CAMTA1: variants seen among roughly 807,000 people sequenced by gnomAD.
The protein encoded by CAMTA1 is calmodulin-binding transcription activator 1.
In CAMTA1, 27 loss-of-function variants were observed where a neutral mutation model predicts 170.9. That is an observed-to-expected ratio of 0.16 (90% CI 0.12 to 0.22). The LOEUF (loss-of-function observed/expected upper bound fraction) is 0.22, where lower values mean the gene tolerates loss of function less well. Ranked by LOEUF, CAMTA1 falls within the 10% of genes least tolerant of loss-of-function variation. The probability of loss-of-function intolerance (pLI) is 1.00; values close to 1 mark genes in which losing one functional copy is unlikely to be tolerated. For synonymous variants in CAMTA1, 833 were observed against 891.5 expected (o/e 0.93, Z 1.17); for missense variants, 1,619 against 2,217.2 (o/e 0.73, Z 5.42).
intron 3 of CAMTA1, among the ~76,000 whole-genome samples, chr1:6,980,706 G>C (rs985783279): frequency 2.0e-5 from 3 of 152,054 alleles, no homozygotes; most frequent in Non-Finnish European, 4.4e-5. Flanking sequence ...GAAAAGGGGA[G>C]TTCCCCTGCA....
chr1:7,735,079 C>G (rs926489654), intron 12 of CAMTA1, among the ~76,000 whole-genome samples: 6 of 152,180 alleles, frequency 3.9e-5, no homozygotes, highest in Admixed American at 6.5e-5. Flanking sequence ...ACTTAAATTT[C>G]AGGATCTCTA....
At chr1:7,590,053 C>T (rs2095343539) in intron 6 of CAMTA1, among the ~76,000 whole-genome samples, 1 of 152,334 alleles carries the variant, frequency 6.6e-6, no homozygotes, top group Non-Finnish European at 1.5e-5. Context: ...AACTTGAGGG[C>T]CAGGCCCTGA....
At chr1:7,247,468 G>C (rs142303181) in intron 4 of CAMTA1, among the ~76,000 whole-genome samples, 1 of 152,306 alleles carries the variant, frequency 6.6e-6, no homozygotes, top group African/African-American at 2.4e-5. Flanking sequence ...TCATGTCTTA[G>C]CTCACAAGAG....
intron 5 of CAMTA1, among the ~76,000 whole-genome samples, chr1:7,341,786 C>T (rs539000332): frequency 5.3e-5 from 8 of 152,322 alleles, no homozygotes; most frequent in South Asian, 4.1e-4. Context: ...AACTCAAAAT[C>T]GTGACTGTCT....
chr1:6,848,540 C>T lies in CAMTA1; in HGVS notation c.234+23330C>T, dbSNP rs908327405. 2.0e-5 allele frequency among the ~76,000 whole-genome samples: 3 copies of T among 152,274 alleles called. No homozygotes were observed. In the South Asian group the frequency reaches 6.2e-4, roughly 32 times the overall value. ...CCATGTAGAGAATGGTTTGGAAGAA[C>T]GCTGGGAGTCTGGTGAGGAATCCAT... On this transcript the variant is annotated intron_variant, in intron 3 of 22. Coordinates refer to ENST00000303635, the MANE Select transcript of CAMTA1 (RefSeq NM_015215.4).
chr1:7,618,320 T>A (rs770208518), intron 6 of CAMTA1, among the ~76,000 whole-genome samples: 15 of 152,210 alleles, frequency 9.9e-5, no homozygotes, highest in Non-Finnish European at 1.9e-4. Flanking sequence ...TTCCACCCTG[T>A]GCCAAGCCTC....
At chr1:7,474,731 G>A (rs935819774) in intron 6 of CAMTA1, among the ~76,000 whole-genome samples, 7 of 152,242 alleles carry the variant, frequency 4.6e-5, no homozygotes, top group African/African-American at 1.7e-4. Flanking sequence ...GGACAGAGAA[G>A]GGAGCAGAGG....
chr1:7,105,431 G>C (rs1643476446), intron 4 of CAMTA1, among the ~76,000 whole-genome samples: 1 of 152,220 alleles, frequency 6.6e-6, no homozygotes, highest in Admixed American at 6.5e-5. Flanking sequence ...CCCCAGATCT[G>C]CTGGGAACTT....
At chr1:6,895,471 AT>A (rs1675429700) in intron 3 of CAMTA1, among the ~76,000 whole-genome samples, 1 of 152,210 alleles carries the variant, frequency 6.6e-6, no homozygotes, top group African/African-American at 2.4e-5. Flanking sequence ...CTTGGAATAG[AT>A]TCCCCATGCA....
intron 6 of CAMTA1, among the ~76,000 whole-genome samples, chr1:7,472,671 T>C (rs1362894690): frequency 6.6e-6 from 1 of 152,170 alleles, no homozygotes; most frequent in South Asian, 2.1e-4. Flanking sequence ...GCCTGGATGC[T>C]GTCTGCTTGC....
chr1:7,350,064 A>T (rs989365994), intron 5 of CAMTA1, among the ~76,000 whole-genome samples: 1 of 152,104 alleles, frequency 6.6e-6, no homozygotes, highest in Non-Finnish European at 1.5e-5. Context: ...TATCTCACCT[A>T]TGGATCCTCA....
intron 5 of CAMTA1, among the ~76,000 whole-genome samples, chr1:7,364,111 C>A (rs371144269): frequency 6.6e-6 from 1 of 152,182 alleles, no homozygotes; most frequent in South Asian, 2.1e-4. Context: ...TTAGCCAGTG[C>A]CCTGCCTCAC....
chr1:7,344,108 G>A (rs557316264), intron 5 of CAMTA1, among the ~76,000 whole-genome samples: 4 of 152,158 alleles, frequency 2.6e-5, no homozygotes, highest in Non-Finnish European at 5.9e-5. Flanking sequence ...TGTTGCTGTC[G>A]GGCTCAGAGG....
chr1:7,526,842 C>T (rs1277521937), intron 6 of CAMTA1, among the ~76,000 whole-genome samples: 2 of 152,206 alleles, frequency 1.3e-5, no homozygotes, highest in East Asian at 3.9e-4. Flanking sequence ...GTGACCACCC[C>T]TCCAGCCAGG....
At chr1:7,765,841 A>G (rs747092790) in intron 22 of CAMTA1, among the ~76,000 whole-genome samples, 26 of 152,276 alleles carry the variant, frequency 1.7e-4, no homozygotes, top group South Asian at 4.1e-4. Context: ...CCTGGCTAAC[A>G]TGGTGAAACC....
Position 7,276,294 on chromosome 1 carries a change from TATATA to T in CAMTA1, c.438+26669_438+26673del, listed in dbSNP as rs1342943693. Among the ~76,000 whole-genome samples, 35 of 14,306 alleles carry T rather than the reference TATATA, an allele frequency of 2.4e-3. 1 individual carries two copies. The highest frequency in any genetic ancestry group is 5.9e-3 in the South Asian group (3 of 512). The allele number at this position is 14,306 out of a possible 152,430, so 9.4% of individuals were successfully genotyped here. ...ACACCTGATCATATATATATATATA[TATATA>T]TATATTTTTTTTTTTTTTTTTTCTT... On this transcript the variant is annotated intron_variant, in intron 5 of 22. Coordinates refer to ENST00000303635, the MANE Select transcript of CAMTA1 (RefSeq NM_015215.4).
intron 3 of CAMTA1, among the ~76,000 whole-genome samples, chr1:6,978,916 T>G (rs2149629466): frequency 6.6e-6 from 1 of 152,250 alleles, no homozygotes; most frequent in South Asian, 2.1e-4. Context: ...ACCATCCCTG[T>G]CTGTCTCCAC....
In CAMTA1 at chr1:7,234,151, G is replaced by A. The variant is rs918957433; in HGVS notation, c.303-15340G>A. 3.9e-5 allele frequency among the ~76,000 whole-genome samples: 6 copies of A among 152,078 alleles called. No individual in the cohort carries two copies. The highest frequency in any genetic ancestry group is 1.2e-4 in the African/African-American group (5 of 41,404). On this transcript the variant is annotated intron_variant, in intron 4 of 22. Coordinates refer to ENST00000303635, the MANE Select transcript of CAMTA1 (RefSeq NM_015215.4). This position sits in a 1 kb window ranked among gnomAD's most constrained non-coding sequence, Gnocchi z 5.0. ...TGGTTCAGGAGCCCAGATTACTTGG[G>A]GTGAGCCGCTCTCTCGCCCCGTCTC...
chr1:7,449,819 G>A (rs1395556698), intron 5 of CAMTA1, among the ~76,000 whole-genome samples: 1 of 151,546 alleles, frequency 6.6e-6, no homozygotes, highest in Non-Finnish European at 1.5e-5. Flanking sequence ...GAAAGTACTG[G>A]GGCCCAGTAC....
Sources: allele counts gnomAD v4.1 joint callset (sites outside exome capture counted in the v4.1 genomes callset), GRCh38; gene constraint gnomAD v4.1.1; non-coding constraint Gnocchi (gnomAD v3.1); transcripts MANE v1.5; gene names NCBI Gene and HGNC (gene_info 2026-07-23, HGNC 2026-07-21).